The following GRXCR1 variants were observed in gnomAD, a reference collection of about 807,000 sequenced individuals.
The protein encoded by GRXCR1 is glutaredoxin domain-containing cysteine-rich protein 1.
A neutral mutation model predicts 27.3 loss-of-function variants in GRXCR1; 27 were observed. The observed-to-expected ratio is 0.99, with a 90% CI of 0.73 to 1.37. The LOEUF (loss-of-function observed/expected upper bound fraction) is 1.37, where lower values mean the gene tolerates loss of function less well. GRXCR1 is among the 40% of genes most tolerant of loss of function. The pLI is 0.00. For missense variants in GRXCR1, 379 were observed against 354.4 expected (o/e 1.07, Z -0.56); for synonymous variants, 122 against 131.1 (o/e 0.93, Z 0.47).
At chr4:43,006,832 G>C (rs925367282) in intron 2 of GRXCR1, among the ~76,000 whole-genome samples, 2 of 151,694 alleles carry the variant, frequency 1.3e-5, no homozygotes, top group Non-Finnish European at 3.0e-5. Flanking sequence ...TTTGTGGCTT[G>C]TGGGGCATCA....
At chr4:42,953,029 C>T (rs1747920564) in intron 1 of GRXCR1, among the ~76,000 whole-genome samples, 1 of 152,098 alleles carries the variant, frequency 6.6e-6, no homozygotes, top group African/African-American at 2.4e-5. Context: ...AATAGGCATT[C>T]TAGTCTTACA....
In GRXCR1 at chr4:42,962,942, C is replaced by T. The variant is rs1235599777; in HGVS notation, c.435C>T (p.Cys145=). ...EFDRVVIYTT[C]LRVVRTTFER... ...ACCGTGTAGTGATTTATACCACCTG[C>T]CTTCGTGTGGTCCGGACAACCTTTG... Residue 145 remains cysteine, a synonymous_variant, in exon 2 of 4, where the codon TGC becomes TGT. Coordinates refer to ENST00000399770, the MANE Select transcript of GRXCR1 (RefSeq NM_001080476.3). 1 of 1,612,072 alleles carries T rather than the reference C, an allele frequency of 6.2e-7. No individual in the cohort carries two copies. Among genetic ancestry groups the T allele is most frequent in the Middle Eastern group, 1.7e-4 (1 of 6,052 alleles).
intron 3 of GRXCR1, 114 bp from the exon 4 acceptor site, chr4:43,030,247 T>G: frequency 1.1e-6 from 1 of 886,362 alleles, no homozygotes; most frequent in Non-Finnish European, 1.9e-6. Context: ...TATAGCCATA[T>G]TATGCCAATA....
intron 3 of GRXCR1, among the ~76,000 whole-genome samples, chr4:43,021,112 A>G (rs1373837289): frequency 2.6e-5 from 4 of 152,178 alleles, no homozygotes; most frequent in East Asian, 1.9e-4. Flanking sequence ...TCCAGTATCT[A>G]TATGTCACTA....
intron 1 of GRXCR1, among the ~76,000 whole-genome samples, chr4:42,897,037 T>C (rs1746360742): frequency 6.6e-6 from 1 of 152,058 alleles, no homozygotes; most frequent in South Asian, 2.1e-4. Flanking sequence ...TCTAGATACA[T>C]AAGTTTATTC....
chr4:43,025,943 T>C (rs1428311661), intron 3 of GRXCR1, among the ~76,000 whole-genome samples: 2 of 143,970 alleles, frequency 1.4e-5, no homozygotes, highest in Non-Finnish European at 3.0e-5. Context: ...GCCACTGCAC[T>C]CCAGCCTGGG....
At chr4:42,957,587 A>G (rs1327262517) in intron 1 of GRXCR1, among the ~76,000 whole-genome samples, 1 of 151,880 alleles carries the variant, frequency 6.6e-6, no homozygotes, top group Non-Finnish European at 1.5e-5. Context: ...GCTATTTTGT[A>G]GATCCTATAG....
intron 1 of GRXCR1, among the ~76,000 whole-genome samples, chr4:42,913,210 G>A (rs796564826): frequency 3.4e-4 from 52 of 152,336 alleles, no homozygotes; most frequent in African/African-American, 1.1e-3. Context: ...AAATGTGGAA[G>A]TGTCTTTGGA....
intron 1 of GRXCR1, among the ~76,000 whole-genome samples, chr4:42,960,932 C>T (rs1748117243): frequency 6.6e-6 from 1 of 151,784 alleles, no homozygotes; most frequent in African/African-American, 2.4e-5. Flanking sequence ...TTTGCTGCAC[C>T]TATCCACCCA....
chr4:42,903,291 G>T (rs1212454058), intron 1 of GRXCR1, among the ~76,000 whole-genome samples: 1 of 138,078 alleles, frequency 7.2e-6, no homozygotes, highest in Non-Finnish European at 1.5e-5. Flanking sequence ...TAAAAAATTT[G>T]GGCCACAGCT....
In GRXCR1 at chr4:42,893,662, C is replaced by G. The variant is rs766194925; in HGVS notation, c.384+12C>G. ...CCAAAGTATTACAGGTAAGTCATTG[C>G]TGTTTCCTTCTCCTGCTCTTTGTTC... is the stretch of plus-strand genomic sequence containing the variant. On this transcript the variant is annotated intron_variant, in intron 1 of 3. Transcript: ENST00000399770. The G allele has an allele frequency of 1.9e-6, 3 of 1,610,418 alleles. No individual in the cohort carries two copies. The highest frequency in any genetic ancestry group is 2.5e-6 in the Non-Finnish European group (3 of 1,178,552).
intron 2 of GRXCR1, among the ~76,000 whole-genome samples, chr4:43,007,573 G>A (rs1577942642): frequency 2.0e-5 from 3 of 152,296 alleles, no homozygotes; most frequent in South Asian, 4.1e-4. Flanking sequence ...AACCAGGGAG[G>A]TGGTGGACCC....
At chr4:42,927,985 G>A (rs1747212386) in intron 1 of GRXCR1, among the ~76,000 whole-genome samples, 3 of 151,992 alleles carry the variant, frequency 2.0e-5, no homozygotes, top group African/African-American at 7.2e-5. Context: ...GCTGTAGACA[G>A]CTAGAGCTCA....
chr4:42,938,396 G>T (rs1421303383), intron 1 of GRXCR1, among the ~76,000 whole-genome samples: 6 of 151,942 alleles, frequency 3.9e-5, no homozygotes, highest in Admixed American at 2.6e-4. Flanking sequence ...GAACATGGGA[G>T]TGCAAATACC....
At chr4:42,946,607 A>T (rs1747749561) in intron 1 of GRXCR1, among the ~76,000 whole-genome samples, 1 of 152,180 alleles carries the variant, frequency 6.6e-6, no homozygotes, top group Non-Finnish European at 1.5e-5. Flanking sequence ...CAGTGAGCAG[A>T]TTGCTTCCCT....
At position 42,992,817 on chromosome 4, in the gene GRXCR1, T is replaced by C. The variant is rs557644389; in HGVS notation, c.628-27537T>C. 3.3e-5 allele frequency among the ~76,000 whole-genome samples: 5 copies of C among 152,286 alleles called. No homozygotes were observed. In the East Asian group the frequency reaches 9.6e-4, roughly 29 times the overall value. ...ATGTATTTAAATATAATTAAGTGCA[T>C]TTCTTAAAATGGTTTCAAATGTTTA... On this transcript the variant is annotated intron_variant, in intron 2 of 3. Transcript: ENST00000399770.
intron 1 of GRXCR1, among the ~76,000 whole-genome samples, chr4:42,916,457 C>A (rs1251546602): frequency 4.6e-5 from 7 of 152,024 alleles, no homozygotes; most frequent in Admixed American, 4.6e-4. Flanking sequence ...TCGCCTTAAC[C>A]TTTTGTTGTT....
At chr4:42,971,038 T>C (rs572065696) in intron 2 of GRXCR1, among the ~76,000 whole-genome samples, 2 of 152,214 alleles carry the variant, frequency 1.3e-5, no homozygotes, top group Admixed American at 6.5e-5. Context: ...AATCATCAAT[T>C]TCTAGTTAAA....
Position 42,893,417 on chromosome 4 carries a change from G to A in GRXCR1, c.151G>A (p.Gly51Arg). ...SLDSECASIC[G>R]IDGLGDSDGQ... Reference sequence around the variant, plus strand: ...GGATTCTGAATGTGCCAGTATCTGTGGGATAGATGGACTAGGTGATTCCGA... The same window carrying A: ...GGATTCTGAATGTGCCAGTATCTGTAGGATAGATGGACTAGGTGATTCCGA... The change falls in exon 1 of 4, where the codon GGG becomes AGG. Residue 51 changes from glycine (G) to arginine (R), a missense_variant. Transcript: ENST00000399770. 1 of 1,613,856 alleles carries A rather than the reference G, an allele frequency of 6.2e-7. No individual in the cohort carries two copies. Among genetic ancestry groups the A allele is most frequent in the Non-Finnish European group, 8.5e-7 (1 of 1,179,836 alleles).
Sources: allele counts gnomAD v4.1 joint callset (sites outside exome capture counted in the v4.1 genomes callset), GRCh38; gene constraint gnomAD v4.1.1; transcripts MANE v1.5; gene names NCBI Gene and HGNC (gene_info 2026-07-23, HGNC 2026-07-21).